Variants in NOX5 observed in about 807,000 individuals in gnomAD.
NOX5 encodes the protein NADPH oxidase 5, also known as NADPH oxidase, EF-hand calcium binding domain 5.
A neutral mutation model predicts 85.7 loss-of-function variants in NOX5; 76 were observed. The ratio of observed to expected loss-of-function variants is 0.89; its 90% CI spans 0.74 to 1.07. The LOEUF (loss-of-function observed/expected upper bound fraction) is 1.07, where lower values mean the gene tolerates loss of function less well. Ranked by LOEUF, NOX5 falls within the 50% of genes least tolerant of loss-of-function variation. The probability of loss-of-function intolerance (pLI) is 0.00; values close to 1 mark genes in which losing one functional copy is unlikely to be tolerated. For missense variants in NOX5, 973 were observed against 999.5 expected (o/e 0.97, Z 0.36); for synonymous variants, 405 against 401.4 (o/e 1.01, Z -0.11).
chr15:69,038,313 T>C (rs1328439905), intron 8 of NOX5: 2 of 169,140 alleles, frequency 1.2e-5, no homozygotes, highest in Non-Finnish European at 2.5e-5. Context: ...TCCCACGGTT[T>C]CTTACCCAGT....
chr15:69,041,656 A>C (rs557600884), intron 9 of NOX5, among the ~76,000 whole-genome samples: 1 of 152,200 alleles, frequency 6.6e-6, no homozygotes, highest in Non-Finnish European at 1.5e-5. Context: ...TGTATTAACA[A>C]AGAAGCACAT....
At chr15:69,030,927 A>AC (rs1250647915) in intron 3 of NOX5, 1 of 152,440 alleles carries the variant, frequency 6.6e-6, no homozygotes, top group Non-Finnish European at 1.5e-5. Context: ...GCAGGATGCC[A>AC]CACTGGGTGT....
At position 69,055,323 on chromosome 15, in the gene NOX5, C is replaced by T. The variant is rs564449628; in HGVS notation, c.2000-11C>T. ...AGACCCTCAGTGCAGCCCTTGTCCC[C>T]TGCCCAACAGGCCGCTTCCTGGAGC... On this transcript the variant is annotated splice_polypyrimidine_tract_variant and intron_variant, in intron 14 of 15. Transcript: ENST00000388866. 2.2e-5 allele frequency: 36 copies of T among 1,613,356 alleles called. No individual in the cohort carries two copies. The highest frequency in any genetic ancestry group is 3.1e-5 in the Non-Finnish European group (36 of 1,179,514).
rs1406395590 is a variant in NOX5, at chr15:69,057,918, G to A, written c.*1222G>A. On this transcript the variant is annotated 3_prime_UTR_variant, in exon 16 of 16. Coordinates refer to ENST00000388866, the MANE Select transcript of NOX5 (RefSeq NM_024505.4). The stretch of plus-strand genomic sequence containing the variant: ...CCTGTCTGGGCAGGAGGGAACAGCA[G>A]AGGCAGCAAAGGCTCTCTCAGCACA... 3 of 152,352 alleles carry A rather than the reference G, an allele frequency of 2.0e-5. No individual in the cohort carries two copies. Among genetic ancestry groups the A allele is most frequent in the Non-Finnish European group, 4.4e-5 (3 of 68,142 alleles). The allele number at this position is 152,352 out of a possible 1,614,324, so 9.4% of individuals were successfully genotyped here.
Position 69,046,725 on chromosome 15 carries a change from T to C in NOX5, c.1648-97T>C, listed in dbSNP as rs536008399. ...TGGGCAGAAAAAGCAATTCCCTTTT[T>C]ATAAAGTTGCTCAGACTGGCAAGGG... On this transcript the variant is annotated intron_variant, in intron 10 of 15. Transcript: ENST00000388866. The C allele has an allele frequency of 8.5e-6, 10 of 1,183,074 alleles. No individual in the cohort carries two copies. The African/African-American group carries it at 1.4e-4, about 16-fold the overall frequency. The allele number at this position is 1,183,074 out of a possible 1,614,324, so 73.3% of individuals were successfully genotyped here.
intron 7 of NOX5, 136 bp from the exon 8 acceptor site, chr15:69,036,892 T>C: frequency 1.4e-6 from 1 of 713,260 alleles, no homozygotes; most frequent in Non-Finnish European, 2.4e-6. Flanking sequence ...CCCCAACATC[T>C]TACCCAACTC....
intron 13 of NOX5, 51 bp from the exon 14 acceptor site, chr15:69,048,908 C>G: frequency 1.4e-6 from 2 of 1,394,470 alleles, no homozygotes; most frequent in South Asian, 2.4e-5. Flanking sequence ...ATGTGAGCCT[C>G]CTGCAAATCA....
chr15:69,047,200 G>T, intron 11 of NOX5: 1 of 629,182 alleles, frequency 1.6e-6, no homozygotes. Flanking sequence ...CACTAGCTCT[G>T]CACTGTAACA....
At chr15:69,020,812 A>G (rs1224602102) in intron 1 of NOX5, among the ~76,000 whole-genome samples, 4 of 152,102 alleles carry the variant, frequency 2.6e-5, no homozygotes, top group African/African-American at 9.7e-5. Context: ...AGAACAAGAG[A>G]GAAAATTACT....
At chr15:69,042,939 C>A in intron 10 of NOX5, 134 bp downstream of exon 10, 1 of 892,784 alleles carries the variant, frequency 1.1e-6, no homozygotes, top group Non-Finnish European at 1.7e-6. Context: ...GGGGGTTAGG[C>A]AACTGCTAAC....
rs555243890 is a variant in NOX5 at position 69,021,123 on chromosome 15, A to G, written c.51-5405A>G. ...AGTTATATTTTAGTTAAAGCTTTGT[A>G]TAAGTTAAACTTGTATAGAATTTCC... On this transcript the variant is annotated intron_variant, in intron 1 of 15. Coordinates refer to ENST00000388866, the MANE Select transcript of NOX5 (RefSeq NM_024505.4). Among the ~76,000 whole-genome samples the G allele has an allele frequency of 2.6e-5, 4 of 152,186 alleles. No homozygotes were observed. The East Asian group carries it at 7.7e-4, about 29-fold the overall frequency.
At chr15:69,038,502 A>G (rs905849863) in intron 8 of NOX5, 2 of 340,790 alleles carry the variant, frequency 5.9e-6, no homozygotes, top group Non-Finnish European at 1.1e-5. Flanking sequence ...TTAGAATGCT[A>G]GCCACACTCT....
At position 69,061,957 on chromosome 15, in the gene NOX5, C is replaced by A. The variant is rs186870185; in HGVS notation, c.*5261C>A. The A allele has an allele frequency of 7.2e-5, 11 of 152,260 alleles. No homozygotes were observed. The highest frequency in any genetic ancestry group is 2.6e-4 in the African/African-American group (11 of 41,560). The allele number at this position is 152,260 out of a possible 1,614,324, so 9.4% of individuals were successfully genotyped here. A position where few individuals can be genotyped will look rare whatever the true frequency, so the allele number is the denominator to read the frequency against. On this transcript the variant is annotated 3_prime_UTR_variant, in exon 16 of 16. Transcript: ENST00000388866. The stretch of plus-strand genomic sequence containing the variant: ...ACAGATTAAGCTTGTCTTTAAATAA[C>A]CCTAAAGAATGTTCAAGAACAGTGA...
intron 14 of NOX5, among the ~76,000 whole-genome samples, chr15:69,051,845 T>A (rs2050753308): frequency 6.6e-6 from 1 of 152,032 alleles, no homozygotes; most frequent in South Asian, 2.1e-4. Flanking sequence ...CATTCCTGTT[T>A]TTTTTTTAAA....
At chr15:69,046,782 C>T (rs1320430821) in intron 10 of NOX5, 40 bp from the exon 11 acceptor site, 1 of 1,590,376 alleles carries the variant, frequency 6.3e-7, no homozygotes, top group East Asian at 2.3e-5. Context: ...CTAACACTGT[C>T]CATTCCAAGA....
intron 14 of NOX5, among the ~76,000 whole-genome samples, chr15:69,054,546 G>A (rs921268067): frequency 6.6e-6 from 1 of 152,162 alleles, no homozygotes; most frequent in East Asian, 1.9e-4. Context: ...CGAGGATGCG[G>A]CTCCAGCCGG....
chr15:69,060,139 G>T lies in NOX5; in HGVS notation c.*3443G>T, dbSNP rs976846852. ...TGTGAGGACAGCGCTGACGGAGACA[G>T]CAGGCATTCCTGAAATGACCAATCA... On this transcript the variant is annotated 3_prime_UTR_variant, in exon 16 of 16. Coordinates refer to ENST00000388866, the MANE Select transcript of NOX5 (RefSeq NM_024505.4). 3.3e-5 allele frequency: 5 copies of T among 152,334 alleles called. No homozygotes were observed. The highest frequency in any genetic ancestry group is 3.3e-4 in the Admixed American group (5 of 15,292). The allele number at this position is 152,334 out of a possible 1,614,324, so 9.4% of individuals were successfully genotyped here. A position where few individuals can be genotyped will look rare whatever the true frequency, so the allele number is the denominator to read the frequency against.
chr15:69,040,561 T>C (rs1435670779), intron 9 of NOX5, among the ~76,000 whole-genome samples: 1 of 152,238 alleles, frequency 6.6e-6, no homozygotes, highest in Non-Finnish European at 1.5e-5. Context: ...CAGCTTTTCC[T>C]TTTTGTGGCT....
At position 69,028,325 on chromosome 15, in the gene NOX5, G is replaced by A. The variant is rs762413691; in HGVS notation, c.285G>A (p.Met95Ile). Residue 95 changes from methionine (M) to isoleucine (I), a missense_variant, in exon 3 of 16, where the codon ATG becomes ATA. Coordinates refer to ENST00000388866, the MANE Select transcript of NOX5 (RefSeq NM_024505.4). ...CCCTGCTCATCCATGGCAGCCCCAT[G>A]GACAAACTCAAATTCCTCTTCCAGG... is the stretch of plus-strand genomic sequence containing the variant. ...ALTLLIHGSP[M>I]DKLKFLFQVY... 2 of 1,612,270 alleles carry A rather than the reference G, an allele frequency of 1.2e-6. No homozygotes were observed. Among genetic ancestry groups the A allele is most frequent in the Admixed American group, 3.3e-5 (2 of 59,774 alleles).
Sources: gnomAD v4.1 joint callset for allele counts (sites outside exome capture counted in the v4.1 genomes callset) on GRCh38, gnomAD v4.1.1 for gene constraint, MANE v1.5 for transcripts, NCBI Gene and HGNC (gene_info 2026-07-23, HGNC 2026-07-21) for gene names.